DACT3: variants seen among roughly 807,000 people sequenced by gnomAD.
DACT3 encodes dapper homolog 3.
A neutral mutation model predicts 19.6 loss-of-function variants in DACT3; 5 were observed. The observed-to-expected ratio is 0.26, with a 90% confidence interval of 0.13 to 0.54. The LOEUF is 0.54. Among genes scored for constraint, DACT3 ranks in the 20% least tolerant of loss-of-function variants. DACT3 has a pLI of 0.95. For missense variants in DACT3, 908 were observed against 927.4 expected (o/e 0.98, Z 0.27); for synonymous variants, 454 against 428.1 (o/e 1.06, Z -0.75).
rs778753227 is a variant in DACT3 at position 46,648,654 on chromosome 19, A to G, written c.1718T>C (p.Leu573Pro). ...CGCCACCAGCTGCTGCGGCCACACGAGGCCACCGCTGCCGTCTGAGTCGCT... is the reference window on the plus strand; with the variant it reads ...CGCCACCAGCTGCTGCGGCCACACGGGGCCACCGCTGCCGTCTGAGTCGCT... ...ASSDSDGSGG[L>P]VWPQQLVAAT... The change falls in exon 4 of 4, where the codon CTC becomes CCC. Residue 573 changes from leucine to proline, a missense_variant. By Grantham distance (98) the Leu-to-Pro change is moderately conservative (BLOSUM62 -3). Coordinates refer to ENST00000391916, the MANE Select transcript of DACT3 (RefSeq NM_145056.3). The surrounding 1 kb of genome is among the most constrained non-coding windows in gnomAD (Gnocchi z 5.1). 1 of 1,612,416 alleles carries G rather than the reference A, an allele frequency of 6.2e-7. No homozygotes were observed. The highest frequency in any genetic ancestry group is 8.5e-7 in the Non-Finnish European group (1 of 1,179,424).
At chr19:46,655,921 C>CTATATA (rs1474952239) in intron 1 of DACT3, among the ~76,000 whole-genome samples, 1 of 108,642 alleles carries the variant, frequency 9.2e-6, no homozygotes, top group Admixed American at 9.6e-5. Context: ...CTCTCTCTCT[C>CTATATA]TCTCTATATA....
At chr19:46,651,051 GTTTA>G (rs1437807067) in intron 3 of DACT3, 8 of 139,852 alleles carry the variant, frequency 5.7e-5, no homozygotes, top group African/African-American at 1.6e-4. Context: ...ATTTATCCTG[GTTTA>G]TTTATTTATC....
At chr19:46,655,045 C>T (rs1202753566) in intron 1 of DACT3, 7 of 985,264 alleles carry the variant, frequency 7.1e-6, no homozygotes, top group South Asian at 4.7e-5. Context: ...AAAAATCTCT[C>T]GGACCTACCA....
Position 46,660,014 on chromosome 19 carries a change from C to T in DACT3, c.249+802G>A, listed in dbSNP as rs1381771195. Among the ~76,000 whole-genome samples, 1 of 152,088 alleles carries T rather than the reference C, an allele frequency of 6.6e-6. No individual in the cohort carries two copies. Among genetic ancestry groups the T allele is most frequent in the East Asian group, 1.9e-4 (1 of 5,194 alleles). ...AGAGTGACAGAACCCAGGACGAGAT[C>T]GGGAGACTCAAGGAATGACATAGAA... is the stretch of plus-strand genomic sequence containing the variant. On this transcript the variant is annotated intron_variant, in intron 1 of 3. Transcript: ENST00000391916. The surrounding 1 kb of genome is among the most constrained non-coding windows in gnomAD (Gnocchi z 4.9).
rs375074031 is a variant in DACT3, at chr19:46,649,888, CAAAAAA to C, written c.500-22_500-17del. 84 of 1,256,504 alleles carry C rather than the reference CAAAAAA, an allele frequency of 6.7e-5. No individual in the cohort carries two copies. The highest frequency in any genetic ancestry group is 3.6e-4 in the South Asian group (18 of 50,142). 77.8% of individuals were successfully genotyped at this position (1,256,504 alleles called of 1,614,324 possible). ...CTGGCGTCTCCTAGGGAAGGAAGGC[CAAAAAA>C]AAAAAAAAAAGAGAGAGTGGAGGGG... On this transcript the variant is annotated splice_polypyrimidine_tract_variant and intron_variant, in intron 3 of 3. Transcript: ENST00000391916.
chr19:46,659,143 G>A, intron 1 of DACT3: 7 of 985,176 alleles, frequency 7.1e-6, no homozygotes, highest in South Asian at 4.7e-5. Flanking sequence ...CCCAGCACTA[G>A]AGAAGTTTAT....
chr19:46,660,848 G>A lies in DACT3; in HGVS notation c.217C>T (p.Arg73Cys). Residue 73 changes from arginine to cysteine, a missense_variant, in exon 1 of 4, where the codon CGC becomes TGC. Coordinates refer to ENST00000391916, the MANE Select transcript of DACT3 (RefSeq NM_145056.3). This position sits in a 1 kb window ranked among gnomAD's most constrained non-coding sequence, Gnocchi z 4.9. ...TCCTCCAGGGCCGCTGCGGCCCGGC[G>A]CGCCGCCGCCGCATCTTCATCCTCA... ...ADEDEDAAAA[R>C]RAAAALEEQL... 1 of 1,519,454 alleles carries A rather than the reference G, an allele frequency of 6.6e-7. No individual in the cohort carries two copies. The highest frequency in any genetic ancestry group is 2.1e-5 in the Admixed American group (1 of 48,704). 94.1% of individuals were successfully genotyped at this position (1,519,454 alleles called of 1,614,324 possible). A position where few individuals can be genotyped will look rare whatever the true frequency, so the allele number is the denominator to read the frequency against.
At position 46,660,719 on chromosome 19, in the gene DACT3, AC is replaced by A; in HGVS notation, c.249+96del. 3 of 1,395,436 alleles carry A rather than the reference AC, an allele frequency of 2.1e-6. No homozygotes were observed. Among genetic ancestry groups the A allele is most frequent in the Non-Finnish European group, 2.8e-6 (3 of 1,079,842 alleles). 86.4% of individuals were successfully genotyped at this position (1,395,436 alleles called of 1,614,324 possible). The stretch of plus-strand genomic sequence containing the variant: ...CCCTGTCCTTTCTCACTCCCTGCCT[AC>A]CCGGGTCCCCAACCCCCGCCCGGTG... On this transcript the variant is annotated intron_variant, in intron 1 of 3. Coordinates refer to ENST00000391916, the MANE Select transcript of DACT3 (RefSeq NM_145056.3). This position sits in a 1 kb window ranked among gnomAD's most constrained non-coding sequence, Gnocchi z 4.9.
intron 2 of DACT3, 41 bp downstream of exon 2, chr19:46,652,938 G>A: frequency 6.5e-7 from 1 of 1,548,008 alleles, no homozygotes; most frequent in Non-Finnish European, 8.7e-7. Context: ...GGGGAACATG[G>A]AGGCGTCCCA....
chr19:46,651,820 C>T (rs1599789467), intron 3 of DACT3: 1 of 152,270 alleles, frequency 6.6e-6, no homozygotes, highest in African/African-American at 2.4e-5. Flanking sequence ...CTGGCTCAGC[C>T]TCCCAAGTAG....
chr19:46,651,128 G>A (rs965182789), intron 3 of DACT3: 5 of 151,492 alleles, frequency 3.3e-5, no homozygotes, highest in Admixed American at 1.3e-4. Flanking sequence ...TGTCACCCAG[G>A]CTGGAGTGCA....
At position 46,659,996 on chromosome 19, in the gene DACT3, C is replaced by G. The variant is rs373905176; in HGVS notation, c.249+820G>C. Among the ~76,000 whole-genome samples, 135 of 152,204 alleles carry G rather than the reference C, an allele frequency of 8.9e-4. 1 individual carries two copies. In the South Asian group the frequency reaches 0.018, roughly 21 times the overall value. On this transcript the variant is annotated intron_variant, in intron 1 of 3. Transcript: ENST00000391916. The stretch of plus-strand genomic sequence containing the variant: ...GGATGTGGCAGGACGGAGAGAGTGA[C>G]AGAACCCAGGACGAGATCGGGAGAC...
In DACT3 at chr19:46,648,667, C is replaced by G; in HGVS notation, c.1705G>C (p.Gly569Arg). The change falls in exon 4 of 4, where the codon GGC (glycine) becomes CGC (arginine). Residue 569 changes from glycine to arginine, a missense_variant. By Grantham distance (125) the Gly-to-Arg change is moderately radical (BLOSUM62 -2). Transcript: ENST00000391916. The surrounding 1 kb of genome is among the most constrained non-coding windows in gnomAD (Gnocchi z 5.1). Reference sequence around the variant, plus strand: ...TGCGGCCACACGAGGCCACCGCTGCCGTCTGAGTCGCTGGAGGCAGAGCTG... The same window carrying G: ...TGCGGCCACACGAGGCCACCGCTGCGGTCTGAGTCGCTGGAGGCAGAGCTG... ...AFSSASSDSDGSGGLVWPQQL... is the reference protein window; with the variant it reads ...AFSSASSDSDRSGGLVWPQQL... The G allele has an allele frequency of 6.2e-7, 1 of 1,612,228 alleles. No homozygotes were observed. The highest frequency in any genetic ancestry group is 8.5e-7 in the Non-Finnish European group (1 of 1,179,410).
intron 1 of DACT3, chr19:46,659,500 C>A: frequency 1.0e-6 from 1 of 983,946 alleles, no homozygotes; most frequent in African/African-American, 1.8e-5. Flanking sequence ...GGGGAGCTAG[C>A]GAAGGCCCCC....
Position 46,649,232 on chromosome 19 carries a change from C to T in DACT3, c.1140G>A (p.Pro380=). The change falls in exon 4 of 4, where the codon CCG becomes CCA. Residue 380 remains proline (P), a synonymous_variant. Transcript: ENST00000391916. ...CCACGCTGCGGCCGCGGGTCAGTGG[C>T]GGCGGTTTGCGGCGGGCGGCGCGGC... The part of the protein sequence containing the change: ...LPGRAARRKP[P]PLTRGRSVEQ... The T allele has an allele frequency of 8.3e-7, 1 of 1,199,142 alleles. No individual in the cohort carries two copies. Among genetic ancestry groups the T allele is most frequent in the Non-Finnish European group, 1.0e-6 (1 of 969,564 alleles). The allele number at this position is 1,199,142 out of a possible 1,614,324, so 74.3% of individuals were successfully genotyped here.
Position 46,648,329 on chromosome 19 carries a change from TTTC to T in DACT3, c.*150_*152del. ...CCTCTCGGTGGTGGTGGGGGAGCCTTTTCAACCAAGACTGTTAGGAGTGGGGAG... is the reference window on the plus strand; with the variant it reads ...CCTCTCGGTGGTGGTGGGGGAGCCTTAACCAAGACTGTTAGGAGTGGGGAG... On this transcript the variant is annotated 3_prime_UTR_variant, in exon 4 of 4. Transcript: ENST00000391916. The surrounding 1 kb of genome is among the most constrained non-coding windows in gnomAD (Gnocchi z 5.1). 2 of 1,326,468 alleles carry T rather than the reference TTTC, an allele frequency of 1.5e-6. No individual in the cohort carries two copies. The highest frequency in any genetic ancestry group is 2.1e-6 in the Non-Finnish European group (2 of 974,276). The allele number at this position is 1,326,468 out of a possible 1,614,324, so 82.2% of individuals were successfully genotyped here. A position where few individuals can be genotyped will look rare whatever the true frequency, so the allele number is the denominator to read the frequency against.
rs2052933856 is a variant in DACT3 at position 46,647,874 on chromosome 19, G to T, written c.*608C>A. The T allele has an allele frequency of 6.5e-6, 1 of 152,858 alleles. No homozygotes were observed. The highest frequency in any genetic ancestry group is 2.4e-5 in the African/African-American group (1 of 41,420). 9.5% of individuals were successfully genotyped at this position (152,858 alleles called of 1,614,324 possible). A position where few individuals can be genotyped will look rare whatever the true frequency, so the allele number is the denominator to read the frequency against. On this transcript the variant is annotated 3_prime_UTR_variant, in exon 4 of 4. Transcript: ENST00000391916. ...ATTGTCCAGGGATCGAAGTGAAAGA[G>T]TCCTTCTTTCCAGGTGTTACCAACC... is the stretch of plus-strand genomic sequence containing the variant.
rs2053069349 is a variant in DACT3 at position 46,660,767 on chromosome 19, GACA to G, written c.249+46_249+48del. The G allele has an allele frequency of 1.4e-6, 2 of 1,436,414 alleles. No homozygotes were observed. Among genetic ancestry groups the G allele is most frequent in the Non-Finnish European group, 1.8e-6 (2 of 1,099,500 alleles). 89.0% of individuals were successfully genotyped at this position (1,436,414 alleles called of 1,614,324 possible). ...GGTGTCTGAGCATCCAACCGAGACA[GACA>G]GACACAGACGGGGGTGGAGGGACGG... On this transcript the variant is annotated intron_variant, in intron 1 of 3. Coordinates refer to ENST00000391916, the MANE Select transcript of DACT3 (RefSeq NM_145056.3). This position sits in a 1 kb window ranked among gnomAD's most constrained non-coding sequence, Gnocchi z 4.9.
intron 1 of DACT3, among the ~76,000 whole-genome samples, chr19:46,658,743 C>T (rs1446275868): frequency 6.6e-6 from 1 of 152,130 alleles, no homozygotes; most frequent in African/African-American, 2.4e-5. Context: ...CCTGGAGACC[C>T]CTTTGCCCAA....
Sources: gnomAD v4.1 joint callset for allele counts (sites outside exome capture counted in the v4.1 genomes callset) on GRCh38, gnomAD v4.1.1 for gene constraint, Gnocchi (gnomAD v3.1) non-coding constraint, MANE v1.5 for transcripts, NCBI Gene and HGNC (gene_info 2026-07-23, HGNC 2026-07-21) for gene names.